MLIP: variants seen among roughly 807,000 people sequenced by gnomAD.
The protein encoded by MLIP is muscular LMNA interacting protein.
MLIP carries 79 observed loss-of-function variants against 84.8 expected under a neutral mutation model. That is an observed-to-expected ratio of 0.93 (90% confidence interval 0.78 to 1.12). The LOEUF (loss-of-function observed/expected upper bound fraction) is 1.12. MLIP is among the 50% of genes most tolerant of loss of function. MLIP has a pLI of 0.00. For missense variants in MLIP, 1,257 were observed against 1,160.6 expected (o/e 1.08, Z -1.21); for synonymous variants, 504 against 463.0 (o/e 1.09, Z -1.14).
At chr6:54,255,160 C>G (rs1782924069) in intron 12 of MLIP, among the ~76,000 whole-genome samples, 1 of 152,130 alleles carries the variant, frequency 6.6e-6, no homozygotes, top group South Asian at 2.1e-4. Flanking sequence ...GTCTTCCCTG[C>G]TTCTTTTTCC....
intron 5 of MLIP, 114 bp from the exon 6 acceptor site, chr6:54,160,253 G>A: frequency 1.3e-6 from 1 of 793,498 alleles, no homozygotes; most frequent in South Asian, 1.8e-5. Flanking sequence ...ATCAAATACT[G>A]TAAATATTTT....
At chr6:54,260,423 A>G (rs1410984622) in intron 13 of MLIP, among the ~76,000 whole-genome samples, 1 of 152,072 alleles carries the variant, frequency 6.6e-6, no homozygotes, top group Non-Finnish European at 1.5e-5. Context: ...AGACAAATTA[A>G]TAAATCAAGA....
At chr6:54,224,004 T>C (rs536435406) in intron 11 of MLIP, among the ~76,000 whole-genome samples, 1 of 152,022 alleles carries the variant, frequency 6.6e-6, no homozygotes, top group Admixed American at 6.6e-5. Flanking sequence ...AGCATTCAAT[T>C]TGGAAAATTT....
Position 54,129,580 on chromosome 6 carries a change from A to G in MLIP, c.645+4715A>G, listed in dbSNP as rs552293646. Among the ~76,000 whole-genome samples the G allele has an allele frequency of 3.0e-4, 45 of 152,334 alleles. 1 individual carries two copies. The South Asian group carries it at 6.8e-3, about 23-fold the overall frequency. Reference sequence around the variant, plus strand: ...CCTTAGAGTTAGTGCTGTTGCTCTTACTTAAGCAAATAATCTATAGCTTCT... The same window carrying G: ...CCTTAGAGTTAGTGCTGTTGCTCTTGCTTAAGCAAATAATCTATAGCTTCT... On this transcript the variant is annotated intron_variant, in intron 3 of 13. Transcript: ENST00000502396.
chr6:54,223,134 T>C (rs1220280964), intron 11 of MLIP, among the ~76,000 whole-genome samples: 3 of 151,988 alleles, frequency 2.0e-5, no homozygotes, highest in South Asian at 4.1e-4. Context: ...ATTTTGGATG[T>C]TAAGCTTTTA....
chr6:54,155,607 C>T (rs1046266740), intron 5 of MLIP, among the ~76,000 whole-genome samples: 2 of 152,082 alleles, frequency 1.3e-5, no homozygotes, highest in Non-Finnish European at 2.9e-5. Flanking sequence ...GCAAATTAGA[C>T]TAACTCCATA....
chr6:54,215,486 A>T, intron 11 of MLIP: 1 of 907,020 alleles, frequency 1.1e-6, no homozygotes, highest in Middle Eastern at 4.2e-4. Flanking sequence ...AGTATAATTG[A>T]CAAAAATTAT....
chr6:54,230,718 T>G lies in MLIP; in HGVS notation c.2723T>G (p.Val908Gly). ...DNSDLFSEQD[V>G]TVPPKPVSLH... Reference sequence around the variant, plus strand: ...GCCTTTCTTCTTCCCCACCAGGATGTAACAGTCCCTCCCAAGCCTGTCTCG... The same window carrying G: ...GCCTTTCTTCTTCCCCACCAGGATGGAACAGTCCCTCCCAAGCCTGTCTCG... The change falls in exon 12 of 14, where the codon GTA becomes GGA. Residue 908 changes from valine (V) to glycine (G), a missense_variant. Physicochemically the swap from Val to Gly is moderately radical, Grantham distance 109. Coordinates refer to ENST00000502396, the MANE Select transcript of MLIP (RefSeq NM_001281747.2). 6.2e-7 allele frequency: 1 copy of G among 1,613,882 alleles called. No individual in the cohort carries two copies. Among genetic ancestry groups the G allele is most frequent in the Non-Finnish European group, 8.5e-7 (1 of 1,179,880 alleles).
At chr6:54,066,202 A>T (rs890488582) in intron 1 of MLIP, among the ~76,000 whole-genome samples, 1 of 100,194 alleles carries the variant, frequency 1.0e-5, no homozygotes, top group African/African-American at 2.6e-5. Context: ...CAAAATTTGA[A>T]TTATTAGGTC....
chr6:54,226,955 G>C (rs1041063064), intron 11 of MLIP, among the ~76,000 whole-genome samples: 1 of 152,098 alleles, frequency 6.6e-6, no homozygotes, highest in Non-Finnish European at 1.5e-5. Flanking sequence ...GAATGATACG[G>C]TTTGGCCCTG....
intron 11 of MLIP, among the ~76,000 whole-genome samples, chr6:54,213,707 C>CA (rs1219772069): frequency 0.026 from 218 of 8,456 alleles, 25 homozygotes; most frequent in African/African-American, 0.087. Flanking sequence ...GACTTTGTCT[C>CA]AAAAAAAAAA....
intron 10 of MLIP, among the ~76,000 whole-genome samples, chr6:54,197,094 T>C (rs531200530): frequency 6.6e-6 from 1 of 151,834 alleles, no homozygotes; most frequent in Non-Finnish European, 1.5e-5. Context: ...TACTAGGAAA[T>C]AAGATTGGAA....
intron 1 of MLIP, among the ~76,000 whole-genome samples, chr6:54,098,154 T>TA (rs561710668): frequency 6.8e-6 from 1 of 147,094 alleles, no homozygotes; most frequent in South Asian, 2.1e-4. Context: ...CTTTCTTTTT[T>TA]TTTTTTTTTT....
chr6:54,052,905 T>C (rs563536521), intron 1 of MLIP, among the ~76,000 whole-genome samples: 2 of 152,280 alleles, frequency 1.3e-5, no homozygotes, highest in African/African-American at 2.4e-5. Flanking sequence ...CTCATATTAA[T>C]ATGCTGGTCT....
chr6:54,063,364 C>A (rs1013432473), intron 1 of MLIP: 1 of 151,578 alleles, frequency 6.6e-6, no homozygotes, highest in African/African-American at 2.4e-5. Flanking sequence ...GTGTTGGTAG[C>A]GATGGGGAGT....
intron 1 of MLIP, among the ~76,000 whole-genome samples, chr6:54,070,580 A>C (rs1766425277): frequency 6.6e-6 from 1 of 152,204 alleles, no homozygotes; most frequent in Non-Finnish European, 1.5e-5. Flanking sequence ...TTTCACAGGT[A>C]AATTGGTATC....
At chr6:54,196,178 T>C (rs1778280399) in intron 10 of MLIP, among the ~76,000 whole-genome samples, 1 of 151,696 alleles carries the variant, frequency 6.6e-6, no homozygotes, top group African/African-American at 2.4e-5. Context: ...AATCAGCACC[T>C]TTTTTTAAAA....
intron 9 of MLIP, among the ~76,000 whole-genome samples, chr6:54,188,128 A>G (rs1777574381): frequency 6.6e-6 from 1 of 152,246 alleles, no homozygotes; most frequent in Non-Finnish European, 1.5e-5. Context: ...GTACATCTGT[A>G]TAGTGCACTT....
intron 1 of MLIP, chr6:54,041,170 A>C (rs1366625686): frequency 6.6e-6 from 1 of 152,140 alleles, no homozygotes; most frequent in Non-Finnish European, 1.5e-5. Flanking sequence ...AACTCCTGGC[A>C]ACCACTGATT....
Sources: gnomAD v4.1 joint callset for allele counts (sites outside exome capture counted in the v4.1 genomes callset) on GRCh38, gnomAD v4.1.1 for gene constraint, MANE v1.5 for transcripts, NCBI Gene and HGNC (gene_info 2026-07-23, HGNC 2026-07-21) for gene names.